The following ERN1 variants were observed in gnomAD, a reference collection of about 807,000 sequenced individuals.
ERN1 encodes serine/threonine-protein kinase/endoribonuclease IRE1.
Under a neutral mutation model 113.1 loss-of-function variants are expected in ERN1, and 39 were observed. The ratio of observed to expected loss-of-function variants is 0.34; its 90% CI spans 0.27 to 0.45. The LOEUF (loss-of-function observed/expected upper bound fraction) is 0.45. Ranked by LOEUF, ERN1 falls within the 20% of genes least tolerant of loss-of-function variation. The probability of loss-of-function intolerance (pLI) is 1.00; values close to 1 mark genes in which losing one functional copy is unlikely to be tolerated. For missense variants in ERN1, 976 were observed against 1,274.8 expected (o/e 0.77, Z 3.57); for synonymous variants, 507 against 515.9 (o/e 0.98, Z 0.23).
rs779808829 is a variant in ERN1, at chr17:64,066,762, G to A, written c.751C>T (p.Arg251Cys). Residue 251 changes from arginine to cysteine, a missense_variant, in exon 8 of 22, where the codon CGC becomes TGC. Physicochemically the swap from Arg to Cys is radical, Grantham distance 180. This residue lies in a region of ERN1 where 459 missense variants were observed against 581.2 expected (regional missense o/e 0.79). Coordinates refer to ENST00000433197, the MANE Select transcript of ERN1 (RefSeq NM_001433.5). ...MHINVAVETLRYLTFMSGEVG... is the reference protein window; with the variant it reads ...MHINVAVETLCYLTFMSGEVG... ...TCCCCAGACATGAAGGTCAGATAGC[G>A]CAGGGTCTCCACAGCGACATTGATG... 6 of 1,613,790 alleles carry A rather than the reference G, an allele frequency of 3.7e-6. No individual in the cohort carries two copies. The highest frequency in any genetic ancestry group is 2.7e-5 in the African/African-American group (2 of 74,904).
At position 64,054,245 on chromosome 17, in the gene ERN1, T is replaced by G; in HGVS notation, c.1953+5A>C. On this transcript the variant is annotated splice_donor_5th_base_variant and intron_variant, in intron 15 of 21. Transcript: ENST00000433197. This position sits in a 1 kb window ranked among gnomAD's most constrained non-coding sequence, Gnocchi z 4.9. Reference sequence around the variant, plus strand: ...AAGTTAACAAAATAAAAAAAATAAATCCACCTCTTGCAGGGTGGCTGCACA... The same window carrying G: ...AAGTTAACAAAATAAAAAAAATAAAGCCACCTCTTGCAGGGTGGCTGCACA... The G allele has an allele frequency of 1.9e-6, 3 of 1,601,890 alleles. No individual in the cohort carries two copies. Among genetic ancestry groups the G allele is most frequent in the Non-Finnish European group, 2.6e-6 (3 of 1,172,374 alleles).
At chr17:64,086,926 G>A (rs749140625) in intron 2 of ERN1, among the ~76,000 whole-genome samples, 4 of 152,038 alleles carry the variant, frequency 2.6e-5, no homozygotes, top group Non-Finnish European at 5.9e-5. Context: ...TTATAGGTGT[G>A]TGCCCAGCCT....
chr17:64,111,023 C>T (rs1438489432), intron 1 of ERN1, among the ~76,000 whole-genome samples: 6 of 152,162 alleles, frequency 3.9e-5, no homozygotes, highest in Non-Finnish European at 8.8e-5. Flanking sequence ...CAGAAGATAG[C>T]AAACCTATGG....
chr17:64,109,260 G>A (rs1030361952), intron 1 of ERN1, among the ~76,000 whole-genome samples: 12 of 152,180 alleles, frequency 7.9e-5, no homozygotes, highest in Non-Finnish European at 5.9e-5. Context: ...TATTTAGTTA[G>A]GAATTTCTTG....
chr17:64,078,610 G>A (rs1913670287), intron 4 of ERN1, among the ~76,000 whole-genome samples: 1 of 151,990 alleles, frequency 6.6e-6, no homozygotes, highest in Admixed American at 6.6e-5. Flanking sequence ...ATTTAGATGT[G>A]TGATCTATCT....
rs1187928227 is a variant in ERN1, at chr17:64,052,873, C to T, written c.2160G>A (p.Val720=). The T allele has an allele frequency of 6.2e-7, 1 of 1,614,024 alleles. No homozygotes were observed. Among genetic ancestry groups the T allele is most frequent in the African/African-American group, 1.3e-5 (1 of 75,062 alleles). ...SDFGLCKKLA[V]GRHSFSRRSG... Reference sequence around the variant, plus strand: ...ATCGGCGGCTGAAACTGTGTCTGCCCACTGCCAGCTTCTTGCAGAGGCCAA... The same window carrying T: ...ATCGGCGGCTGAAACTGTGTCTGCCTACTGCCAGCTTCTTGCAGAGGCCAA... Residue 720 remains valine, a synonymous_variant, in exon 17 of 22, where the codon GTG becomes GTA. Coordinates refer to ENST00000433197, the MANE Select transcript of ERN1 (RefSeq NM_001433.5).
chr17:64,084,026 A>C (rs1913848108), intron 2 of ERN1, among the ~76,000 whole-genome samples: 1 of 152,040 alleles, frequency 6.6e-6, no homozygotes, highest in Admixed American at 6.6e-5. Flanking sequence ...TCACTCAGAG[A>C]GCACATGCCT....
intron 17 of ERN1, among the ~76,000 whole-genome samples, chr17:64,051,888 A>G (rs1780201473): frequency 6.6e-6 from 1 of 152,236 alleles, no homozygotes; most frequent in Admixed American, 6.5e-5. Flanking sequence ...GAGGTGGGAT[A>G]ATGGTATTGT....
chr17:64,046,813 C>T (rs570833631), intron 19 of ERN1, among the ~76,000 whole-genome samples: 12 of 152,326 alleles, frequency 7.9e-5, no homozygotes, highest in Admixed American at 5.2e-4. Flanking sequence ...AAGCACTGCC[C>T]CACAAGCCTG....
At position 64,054,240 on chromosome 17, in the gene ERN1, A is replaced by C; in HGVS notation, c.1953+10T>G. On this transcript the variant is annotated intron_variant, in intron 15 of 21. Coordinates refer to ENST00000433197, the MANE Select transcript of ERN1 (RefSeq NM_001433.5). This position sits in a 1 kb window ranked among gnomAD's most constrained non-coding sequence, Gnocchi z 4.9. ...TAATAAAGTTAACAAAATAAAAAAAATAAATCCACCTCTTGCAGGGTGGCT... is the reference window on the plus strand; with the variant it reads ...TAATAAAGTTAACAAAATAAAAAAACTAAATCCACCTCTTGCAGGGTGGCT... 3 of 1,597,124 alleles carry C rather than the reference A, an allele frequency of 1.9e-6. No individual in the cohort carries two copies. The highest frequency in any genetic ancestry group is 2.6e-6 in the Non-Finnish European group (3 of 1,169,902).
chr17:64,085,016 T>C (rs542506926), intron 2 of ERN1, among the ~76,000 whole-genome samples: 1 of 152,356 alleles, frequency 6.6e-6, no homozygotes, highest in South Asian at 2.1e-4. Context: ...TCTGTAGTTC[T>C]GTATATTTTA....
At chr17:64,046,681 G>A (rs143797705) in intron 19 of ERN1, among the ~76,000 whole-genome samples, 250 of 152,296 alleles carry the variant, frequency 1.6e-3, no homozygotes, top group Middle Eastern at 6.8e-3. Flanking sequence ...TCCTGTCCTC[G>A]AGGAGCTTAC....
chr17:64,053,415 G>A (rs1384828188), intron 15 of ERN1, 44 bp from the exon 16 acceptor site: 1 of 1,389,212 alleles, frequency 7.2e-7, no homozygotes, highest in African/African-American at 1.5e-5. Flanking sequence ...CAGTCCTCAG[G>A]ACTTGGCCCC....
chr17:64,084,450 C>T (rs746212241), intron 2 of ERN1, among the ~76,000 whole-genome samples: 9 of 152,182 alleles, frequency 5.9e-5, no homozygotes, highest in Middle Eastern at 3.4e-3. Flanking sequence ...AGGCATAAAT[C>T]CTGGCTCTGC....
intron 12 of ERN1, 82 bp downstream of exon 12, chr17:64,057,720 G>T: frequency 7.6e-7 from 1 of 1,313,434 alleles, no homozygotes. Flanking sequence ...GGTTGTTTTT[G>T]TCTGGATCTC....
intron 2 of ERN1, among the ~76,000 whole-genome samples, chr17:64,093,925 G>A (rs949494742): frequency 5.9e-5 from 9 of 152,200 alleles, no homozygotes; most frequent in African/African-American, 1.9e-4. Context: ...TTGAGAAATC[G>A]ATGAAGGTAT....
At position 64,080,769 on chromosome 17, in the gene ERN1, AC is replaced by A; in HGVS notation, c.209+5del. On this transcript the variant is annotated splice_donor_5th_base_variant and intron_variant, in intron 3 of 21. Coordinates refer to ENST00000433197, the MANE Select transcript of ERN1 (RefSeq NM_001433.5). ...AGGGAAGTACTGAGCGAATCAGAAA[AC>A]TTACTCTTCCACATGTGTTGGGACC... The A allele has an allele frequency of 6.2e-7, 1 of 1,610,034 alleles. No individual in the cohort carries two copies. Among genetic ancestry groups the A allele is most frequent in the Non-Finnish European group, 8.5e-7 (1 of 1,178,020 alleles).
chr17:64,083,253 T>TA (rs769518057), intron 2 of ERN1, among the ~76,000 whole-genome samples: 11 of 152,106 alleles, frequency 7.2e-5, no homozygotes, highest in Non-Finnish European at 1.0e-4. Flanking sequence ...TTTTTCATAT[T>TA]AAAAAAGGTT....
At chr17:64,052,093 C>T (rs1423500015) in intron 17 of ERN1, among the ~76,000 whole-genome samples, 4 of 152,206 alleles carry the variant, frequency 2.6e-5, no homozygotes. Flanking sequence ...CAGCCAGATG[C>T]TGTGGCTCAT....
Sources: allele counts gnomAD v4.1 joint callset (sites outside exome capture counted in the v4.1 genomes callset), GRCh38; gene constraint gnomAD v4.1.1; regional missense constraint gnomAD v4.1.1; non-coding constraint Gnocchi (gnomAD v3.1); transcripts MANE v1.5; gene names NCBI Gene and HGNC (gene_info 2026-07-23, HGNC 2026-07-21).